MIB1: variants seen among roughly 807,000 people sequenced by gnomAD.
MIB1 encodes MIB E3 ubiquitin protein ligase 1, also known as E3 ubiquitin-protein ligase MIB1.
MIB1 carries 278 observed loss-of-function variants against 124.5 expected under a neutral mutation model. The observed-to-expected ratio is 2.23, with a 90% CI of 2.02 to 2.47. The LOEUF (loss-of-function observed/expected upper bound fraction) is 2.47. Ranked by LOEUF, MIB1 falls within the 30% of genes most tolerant of loss-of-function variation. The probability of loss-of-function intolerance (pLI) is 0.00; values close to 1 mark genes in which losing one functional copy is unlikely to be tolerated. For synonymous variants in MIB1, 446 were observed against 429.4 expected (o/e 1.04, Z -0.48); for missense variants, 957 against 1,254.4 (o/e 0.76, Z 3.58).
chr18:21,791,252 C>T (rs1467785647), intron 6 of MIB1, 122 bp from the exon 7 acceptor site: 6 of 640,410 alleles, frequency 9.4e-6, no homozygotes, highest in Non-Finnish European at 1.5e-5. Flanking sequence ...TATAAATAAA[C>T]ACAAATCATT....
rs930591182 is a variant in MIB1, at chr18:21,839,409, G to A, written c.1962+912G>A. ...CTATCATGTTGCCTTGGTTATTGTT[G>A]CCTTATAGAAAGTCTTGAAATCAGG... is the stretch of plus-strand genomic sequence containing the variant. On this transcript the variant is annotated intron_variant, in intron 13 of 20. Coordinates refer to ENST00000261537, the MANE Select transcript of MIB1 (RefSeq NM_020774.4). 4.6e-5 allele frequency among the ~76,000 whole-genome samples: 7 copies of A among 152,208 alleles called. No individual in the cohort carries two copies. The South Asian group carries it at 8.3e-4, about 18-fold the overall frequency.
intron 11 of MIB1, 98 bp downstream of exon 11, chr18:21,815,911 CAT>C: frequency 9.4e-7 from 1 of 1,064,600 alleles, no homozygotes; most frequent in Non-Finnish European, 1.4e-6. Flanking sequence ...TTACCGTTCT[CAT>C]ATGTCATAGT....
At chr18:21,765,369 T>G (rs2041144938) in intron 1 of MIB1, among the ~76,000 whole-genome samples, 1 of 152,136 alleles carries the variant, frequency 6.6e-6, no homozygotes, top group Non-Finnish European at 1.5e-5. Context: ...GAAGGCAAAA[T>G]GGTCTTTTCT....
chr18:21,785,320 G>A (rs911791919), intron 6 of MIB1, among the ~76,000 whole-genome samples: 1 of 152,128 alleles, frequency 6.6e-6, no homozygotes, highest in Admixed American at 6.5e-5. Flanking sequence ...AAGCCCAGCT[G>A]TCTTTTCTTC....
chr18:21,812,308 C>T (rs1335834905), intron 10 of MIB1: 1 of 152,234 alleles, frequency 6.6e-6, no homozygotes, highest in African/African-American at 2.4e-5. Context: ...GAATGGTTCA[C>T]AGACGTAGGT....
chr18:21,705,374 C>G (rs1484109109), intron 1 of MIB1, among the ~76,000 whole-genome samples: 2 of 152,174 alleles, frequency 1.3e-5, no homozygotes, highest in African/African-American at 2.4e-5. Context: ...AGAATAGCAA[C>G]CGGGATTCAA....
chr18:21,821,356 C>G (rs2041876104), intron 12 of MIB1, among the ~76,000 whole-genome samples: 1 of 152,194 alleles, frequency 6.6e-6, no homozygotes, highest in African/African-American at 2.4e-5. Context: ...TGTCCTGAGT[C>G]TGTTTAACTT....
intron 10 of MIB1, among the ~76,000 whole-genome samples, chr18:21,809,921 C>T (rs1322615083): frequency 6.6e-6 from 1 of 152,022 alleles, no homozygotes; most frequent in African/African-American, 2.4e-5. Context: ...AAAGAAAAGA[C>T]ATCCGAATTG....
At chr18:21,742,459 G>C (rs1294326901) in intron 1 of MIB1, among the ~76,000 whole-genome samples, 1 of 152,068 alleles carries the variant, frequency 6.6e-6, no homozygotes, top group Non-Finnish European at 1.5e-5. Context: ...CTTTTTCCAA[G>C]TGGCAGATCG....
At chr18:21,834,457 A>G (rs1464574548) in intron 12 of MIB1, among the ~76,000 whole-genome samples, 1 of 152,210 alleles carries the variant, frequency 6.6e-6, no homozygotes, top group Non-Finnish European at 1.5e-5. Flanking sequence ...TCCTAAGAGC[A>G]TAGTTTAGAG....
chr18:21,711,774 G>A (rs2040666760), intron 1 of MIB1, among the ~76,000 whole-genome samples: 1 of 152,096 alleles, frequency 6.6e-6, no homozygotes, highest in African/African-American at 2.4e-5. Context: ...GCTTACTGCA[G>A]CCTCGACCTC....
chr18:21,830,133 A>G (rs1417122971), intron 12 of MIB1, among the ~76,000 whole-genome samples: 1 of 151,452 alleles, frequency 6.6e-6, no homozygotes, highest in Non-Finnish European at 1.5e-5. Context: ...ATGTAGCAGT[A>G]GATAGCCCAG....
intron 12 of MIB1, among the ~76,000 whole-genome samples, chr18:21,824,138 C>T (rs867002928): frequency 6.6e-5 from 10 of 151,954 alleles, no homozygotes; most frequent in African/African-American, 9.7e-5. Flanking sequence ...ATAGTATTTA[C>T]GAATTTTTCT....
chr18:21,836,531 G>C (rs1472073845), intron 12 of MIB1, among the ~76,000 whole-genome samples: 1 of 151,980 alleles, frequency 6.6e-6, no homozygotes, highest in Non-Finnish European at 1.5e-5. Flanking sequence ...AACTTATCCT[G>C]TAATTTCTTA....
chr18:21,800,032 T>G, intron 9 of MIB1, 58 bp downstream of exon 9: 1 of 1,386,814 alleles, frequency 7.2e-7, no homozygotes, highest in Non-Finnish European at 9.9e-7. Flanking sequence ...ATAATGAACC[T>G]TATCCTCAAC....
At chr18:21,759,781 C>G (rs1393992164) in intron 1 of MIB1, among the ~76,000 whole-genome samples, 4 of 152,140 alleles carry the variant, frequency 2.6e-5, no homozygotes, top group African/African-American at 7.2e-5. Flanking sequence ...GTAGTGAAAA[C>G]TCTACTTTTC....
chr18:21,750,808 A>G (rs2040966495), intron 1 of MIB1, among the ~76,000 whole-genome samples: 1 of 152,056 alleles, frequency 6.6e-6, no homozygotes, highest in African/African-American at 2.4e-5. Context: ...TGTTGGTTTT[A>G]TGTAAATTTT....
At chr18:21,854,337 A>G (rs1166216968) in intron 18 of MIB1, among the ~76,000 whole-genome samples, 1 of 152,240 alleles carries the variant, frequency 6.6e-6, no homozygotes, top group Non-Finnish European at 1.5e-5. Context: ...TGTACTCTGC[A>G]CTATAGTGCA....
intron 10 of MIB1, among the ~76,000 whole-genome samples, chr18:21,815,380 T>C (rs1178532108): frequency 6.6e-6 from 1 of 151,936 alleles, no homozygotes; most frequent in Admixed American, 6.6e-5. Flanking sequence ...TTGGTATTGT[T>C]GGAAATCTTA....
Sources: gnomAD v4.1 joint callset for allele counts (sites outside exome capture counted in the v4.1 genomes callset) on GRCh38, gnomAD v4.1.1 for gene constraint, MANE v1.5 for transcripts, NCBI Gene and HGNC (gene_info 2026-07-23, HGNC 2026-07-21) for gene names.